Variants in MARCHF1 observed in about 807,000 individuals in gnomAD.
MARCHF1 encodes membrane associated ring-CH-type finger 1, also known as E3 ubiquitin-protein ligase MARCHF1.
MARCHF1 carries 40 observed loss-of-function variants against 54.2 expected under a neutral mutation model. That is an observed-to-expected ratio of 0.74 (90% CI 0.57 to 0.96). MARCHF1 has a LOEUF of 0.96. Ranked by LOEUF, MARCHF1 falls within the 40% of genes least tolerant of loss-of-function variation. The probability of loss-of-function intolerance (pLI) is 0.00; values close to 1 mark genes in which losing one functional copy is unlikely to be tolerated. For synonymous variants in MARCHF1, 236 were observed against 236.3 expected (o/e 1.00, Z 0.01); for missense variants, 586 against 656.5 (o/e 0.89, Z 1.17).
At chr4:164,377,734 A>T (rs888988457) in intron 1 of MARCHF1, among the ~76,000 whole-genome samples, 1 of 152,186 alleles carries the variant, frequency 6.6e-6, no homozygotes, top group Non-Finnish European at 1.5e-5. Flanking sequence ...TATTTGAATT[A>T]CTGGTCTTCA....
At chr4:164,259,064 G>T (rs1173652482) in intron 1 of MARCHF1, among the ~76,000 whole-genome samples, 1 of 152,052 alleles carries the variant, frequency 6.6e-6, no homozygotes, top group Non-Finnish European at 1.5e-5. Context: ...ATGATATTTA[G>T]AGGTAAAACG....
At chr4:163,745,476 A>C (rs1746331581) in intron 4 of MARCHF1, among the ~76,000 whole-genome samples, 1 of 152,112 alleles carries the variant, frequency 6.6e-6, no homozygotes, top group Non-Finnish European at 1.5e-5. Context: ...ATACAAATAC[A>C]CAAGGGAAGA....
At chr4:163,611,698 T>G (rs1052544598) in intron 7 of MARCHF1, among the ~76,000 whole-genome samples, 2 of 152,040 alleles carry the variant, frequency 1.3e-5, no homozygotes, top group South Asian at 4.1e-4. Context: ...CGGTATATGT[T>G]TATCAGTAAA....
At chr4:164,078,221 T>A (rs1161065580) in intron 2 of MARCHF1, among the ~76,000 whole-genome samples, 1 of 152,184 alleles carries the variant, frequency 6.6e-6, no homozygotes, top group East Asian at 1.9e-4. Context: ...GATGAGTTCA[T>A]GTCCTCTGCA....
intron 7 of MARCHF1, among the ~76,000 whole-genome samples, chr4:163,599,063 C>A (rs142096876): frequency 6.6e-6 from 1 of 151,812 alleles, no homozygotes; most frequent in Non-Finnish European, 1.5e-5. Context: ...CCAAGGCAGG[C>A]GGATCGCCTA....
chr4:164,325,948 C>T (rs571687096), intron 1 of MARCHF1, among the ~76,000 whole-genome samples: 1 of 152,100 alleles, frequency 6.6e-6, no homozygotes, highest in Non-Finnish European at 1.5e-5. Flanking sequence ...GGAGCAGTGG[C>T]TATAACAGGC....
intron 1 of MARCHF1, among the ~76,000 whole-genome samples, chr4:164,140,450 G>C (rs1378328649): frequency 6.6e-6 from 1 of 152,004 alleles, no homozygotes; most frequent in Non-Finnish European, 1.5e-5. Context: ...ACTGCATTTG[G>C]ACAATGAGAT....
intron 3 of MARCHF1, among the ~76,000 whole-genome samples, chr4:163,986,249 C>CCTTTTTTTTTTTTTTTTTTTTTTT (rs1752864138): frequency 1.4e-4 from 4 of 28,830 alleles, no homozygotes; most frequent in Non-Finnish European, 3.1e-4. Context: ...TTAACCTCTT[C>CCTTTTTTTTTTTTTTTTTTTTTTT]TTTTTTTTTT....
intron 1 of MARCHF1, among the ~76,000 whole-genome samples, chr4:164,208,231 A>G (rs1731668247): frequency 6.6e-6 from 1 of 152,188 alleles, no homozygotes; most frequent in Non-Finnish European, 1.5e-5. Flanking sequence ...GACTGTGGAA[A>G]GTAACTCAGG....
intron 1 of MARCHF1, among the ~76,000 whole-genome samples, chr4:164,160,975 T>C (rs968753451): frequency 4.6e-5 from 7 of 152,130 alleles, no homozygotes; most frequent in African/African-American, 1.7e-4. Flanking sequence ...AATAACATGA[T>C]AGTTTTTGAT....
At chr4:163,728,167 G>A (rs531643149) in intron 4 of MARCHF1, among the ~76,000 whole-genome samples, 2 of 152,272 alleles carry the variant, frequency 1.3e-5, no homozygotes, top group African/African-American at 4.8e-5. Flanking sequence ...TTTTTGTGGA[G>A]ATGGGGTTTT....
chr4:164,106,934 A>T (rs866129165), intron 2 of MARCHF1, among the ~76,000 whole-genome samples: 2 of 152,304 alleles, frequency 1.3e-5, no homozygotes, highest in Middle Eastern at 3.4e-3. Flanking sequence ...TCAAAGGCTG[A>T]TACAAGAAAC....
intron 1 of MARCHF1, among the ~76,000 whole-genome samples, chr4:164,182,938 A>C (rs2111019625): frequency 6.6e-6 from 1 of 152,200 alleles, no homozygotes; most frequent in Non-Finnish European, 1.5e-5. Flanking sequence ...TCAGAATTTG[A>C]AGTGACCAAG....
chr4:163,702,376 T>G (rs922555121), intron 4 of MARCHF1, among the ~76,000 whole-genome samples: 1 of 152,116 alleles, frequency 6.6e-6, no homozygotes, highest in African/African-American at 2.4e-5. Flanking sequence ...TCAGTGAAAT[T>G]TAGGATTTTG....
intron 5 of MARCHF1, among the ~76,000 whole-genome samples, chr4:163,632,065 T>C (rs1005841546): frequency 1.3e-5 from 2 of 152,156 alleles, no homozygotes; most frequent in Non-Finnish European, 2.9e-5. Flanking sequence ...AGATGGCTAC[T>C]ATAAAGAAAA....
At chr4:163,647,184 A>G (rs917814219) in intron 5 of MARCHF1, among the ~76,000 whole-genome samples, 3 of 152,106 alleles carry the variant, frequency 2.0e-5, no homozygotes, top group African/African-American at 7.2e-5. Flanking sequence ...TATAATGATA[A>G]AGGGGTTAAT....
rs183668415 is a variant in MARCHF1, at chr4:163,766,984, T to G, written c.112-66121A>C. On this transcript the variant is annotated intron_variant, in intron 4 of 9. Transcript: ENST00000514618. ...TTGTTAATATTGGTGGTAAAAATAA[T>G]AATTACTATAGGCCAAGCATTAGGA... 2.4e-3 allele frequency among the ~76,000 whole-genome samples: 365 copies of G among 151,352 alleles called. 4 individuals are homozygous for G. Among genetic ancestry groups the G allele is most frequent in the African/African-American group, 8.4e-3 (346 of 41,230 alleles).
At chr4:163,985,602 T>G (rs1321969251) in intron 3 of MARCHF1, among the ~76,000 whole-genome samples, 1 of 152,192 alleles carries the variant, frequency 6.6e-6, no homozygotes, top group Non-Finnish European at 1.5e-5. Flanking sequence ...TAACTATGAT[T>G]GACAGTTTTC....
intron 1 of MARCHF1, among the ~76,000 whole-genome samples, chr4:164,370,113 A>T (rs1730995586): frequency 6.6e-6 from 1 of 152,208 alleles, no homozygotes; most frequent in Admixed American, 6.5e-5. Context: ...ATGGACAGGA[A>T]AGCTCTATCA....
Sources: gnomAD v4.1 joint callset for allele counts (sites outside exome capture counted in the v4.1 genomes callset) on GRCh38, gnomAD v4.1.1 for gene constraint, MANE v1.5 for transcripts, NCBI Gene and HGNC (gene_info 2026-07-23, HGNC 2026-07-21) for gene names.